The following CSMD3 variants were observed in gnomAD, a reference collection of about 807,000 sequenced individuals.
CSMD3 encodes the protein CUB and Sushi multiple domains 3.
A neutral mutation model predicts 435.2 loss-of-function variants in CSMD3; 177 were observed. The observed-to-expected ratio is 0.41, with a 90% CI of 0.36 to 0.46. The LOEUF (loss-of-function observed/expected upper bound fraction) is 0.46. Among genes scored for constraint, CSMD3 ranks in the 20% least tolerant of loss-of-function variants. The pLI is 0.34. For missense variants in CSMD3, 4,265 were observed against 4,504.6 expected (o/e 0.95, Z 1.52); for synonymous variants, 1,656 against 1,520.5 (o/e 1.09, Z -2.07).
At chr8:112,678,448 C>T (rs1436476870) in intron 16 of CSMD3, among the ~76,000 whole-genome samples, 2 of 152,082 alleles carry the variant, frequency 1.3e-5, no homozygotes, top group Non-Finnish European at 2.9e-5. Context: ...AGCTAATTTA[C>T]CAAATAATCA....
chr8:112,551,089 T>G (rs1261187772), intron 26 of CSMD3, among the ~76,000 whole-genome samples: 1 of 152,112 alleles, frequency 6.6e-6, no homozygotes, highest in Non-Finnish European at 1.5e-5. Context: ...ACATCACCTT[T>G]GCAAATTGTA....
chr8:113,198,733 T>C (rs188741616), intron 3 of CSMD3, among the ~76,000 whole-genome samples: 151 of 151,364 alleles, frequency 1.0e-3, no homozygotes, highest in Non-Finnish European at 1.8e-3. Context: ...GTAGAGGAAG[T>C]GTTAATAGTA....
intron 13 of CSMD3, among the ~76,000 whole-genome samples, chr8:112,692,394 T>C (rs2076157215): frequency 6.6e-6 from 1 of 152,204 alleles, no homozygotes; most frequent in African/African-American, 2.4e-5. Flanking sequence ...AATTTATGGG[T>C]TGATCTATCA....
intron 15 of CSMD3, among the ~76,000 whole-genome samples, chr8:112,684,229 A>T (rs867564456): frequency 6.6e-6 from 1 of 152,036 alleles, no homozygotes; most frequent in Non-Finnish European, 1.5e-5. Flanking sequence ...AGTATTTTTT[A>T]AAAATTCTCA....
chr8:112,899,599 T>TTATATATATATATATATATATA (rs71309794), intron 10 of CSMD3, among the ~76,000 whole-genome samples: 93 of 99,976 alleles, frequency 9.3e-4, no homozygotes, highest in Non-Finnish European at 1.6e-3. Flanking sequence ...CTTGTCTATT[T>TTATATATATATATATATATATA]TATATATATA....
intron 7 of CSMD3, among the ~76,000 whole-genome samples, chr8:112,956,372 A>G (rs1758148854): frequency 6.6e-6 from 1 of 152,046 alleles, no homozygotes; most frequent in Non-Finnish European, 1.5e-5. Context: ...CTCTAAGTTT[A>G]GTTTTGTCAC....
intron 1 of CSMD3, among the ~76,000 whole-genome samples, chr8:113,417,646 A>G (rs2094588047): frequency 6.6e-6 from 1 of 152,040 alleles, no homozygotes; most frequent in African/African-American, 2.4e-5. Flanking sequence ...AGAATTGTAC[A>G]CTATAGGCTG....
chr8:112,503,241 T>C (rs1822160335), intron 30 of CSMD3, among the ~76,000 whole-genome samples: 1 of 152,030 alleles, frequency 6.6e-6, no homozygotes, highest in African/African-American at 2.4e-5. Flanking sequence ...GACACCCCTC[T>C]TGACTAATTA....
chr8:112,992,362 G>C (rs1237770510), intron 6 of CSMD3, among the ~76,000 whole-genome samples: 2 of 151,736 alleles, frequency 1.3e-5, no homozygotes, highest in Admixed American at 6.6e-5. Context: ...AAAGAAAAAT[G>C]TCAAAACATA....
chr8:112,224,564 T>G lies in CSMD3; in HGVS notation c.*207A>C. ...AAACTGTGAGTAAGCACTCTCAGAG[T>G]GCAGCCAAATTTCTGTAAAACTCTC... On this transcript the variant is annotated 3_prime_UTR_variant, in exon 71 of 71. Transcript: ENST00000297405. 1.6e-6 allele frequency: 1 copy of G among 608,952 alleles called. No individual in the cohort carries two copies. The highest frequency in any genetic ancestry group is 2.9e-6 in the Non-Finnish European group (1 of 339,206). 37.7% of individuals were successfully genotyped at this position (608,952 alleles called of 1,614,324 possible).
chr8:112,599,770 G>T (rs201722984), intron 22 of CSMD3, among the ~76,000 whole-genome samples: 1 of 148,486 alleles, frequency 6.7e-6, no homozygotes, highest in African/African-American at 2.5e-5. Flanking sequence ...ATCGCAAGAA[G>T]AAAAAACCAA....
chr8:112,995,834 T>C (rs933107277), intron 6 of CSMD3, among the ~76,000 whole-genome samples: 1 of 150,508 alleles, frequency 6.6e-6, no homozygotes, highest in African/African-American at 2.4e-5. Context: ...TTTTCAGTTG[T>C]CTTTACCATT....
At chr8:113,041,191 G>C (rs974936279) in intron 5 of CSMD3, among the ~76,000 whole-genome samples, 1 of 119,888 alleles carries the variant, frequency 8.3e-6, no homozygotes, top group Non-Finnish European at 1.6e-5. Context: ...GGGTAAGAGA[G>C]TGAGACTCCG....
intron 10 of CSMD3, among the ~76,000 whole-genome samples, chr8:112,882,527 T>G (rs1279029080): frequency 6.6e-6 from 1 of 152,004 alleles, no homozygotes; most frequent in African/African-American, 2.4e-5. Context: ...GCTTTCCTCT[T>G]TTCCCCTCCT....
intron 10 of CSMD3, among the ~76,000 whole-genome samples, chr8:112,892,311 C>T (rs139051822): frequency 0.041 from 6,244 of 151,158 alleles, 158 homozygotes; most frequent in African/African-American, 0.055. Context: ...TTCAATAACT[C>T]TATAGAAAGA....
At chr8:112,726,037 G>A (rs1405921400) in intron 13 of CSMD3, among the ~76,000 whole-genome samples, 1 of 151,864 alleles carries the variant, frequency 6.6e-6, no homozygotes, top group Non-Finnish European at 1.5e-5. Flanking sequence ...GGGAAGCAAG[G>A]CACCTTCTTT....
At chr8:113,285,878 T>C (rs1183022935) in intron 2 of CSMD3, among the ~76,000 whole-genome samples, 1 of 152,214 alleles carries the variant, frequency 6.6e-6, no homozygotes, top group Non-Finnish European at 1.5e-5. Context: ...ATACATTTAG[T>C]TTCATGAAAA....
chr8:112,805,200 T>C (rs950204270), intron 12 of CSMD3, among the ~76,000 whole-genome samples: 2 of 152,114 alleles, frequency 1.3e-5, no homozygotes, highest in African/African-American at 4.8e-5. Flanking sequence ...CTATATTCCA[T>C]AGGGAGTGTC....
chr8:113,085,955 C>G (rs969537493), intron 5 of CSMD3, among the ~76,000 whole-genome samples: 6 of 151,980 alleles, frequency 3.9e-5, no homozygotes, highest in Non-Finnish European at 8.8e-5. Context: ...AAGAGCCAAC[C>G]GGCTGGGTGC....
Sources: gnomAD v4.1 joint callset for allele counts (sites outside exome capture counted in the v4.1 genomes callset) on GRCh38, gnomAD v4.1.1 for gene constraint, MANE v1.5 for transcripts, NCBI Gene and HGNC (gene_info 2026-07-23, HGNC 2026-07-21) for gene names.